The following FAM184A variants were observed in gnomAD, a reference collection of about 807,000 sequenced individuals.
FAM184A encodes the protein family with sequence similarity 184 member A.
A neutral mutation model predicts 143.8 loss-of-function variants in FAM184A; 99 were observed. The observed-to-expected ratio is 0.69, with a 90% CI of 0.58 to 0.81. The LOEUF (loss-of-function observed/expected upper bound fraction) is 0.81, where lower values mean the gene tolerates loss of function less well. FAM184A is among the 40% of genes least tolerant of loss of function. FAM184A has a pLI of 0.00. For missense variants in FAM184A, 1,217 were observed against 1,310.5 expected (o/e 0.93, Z 1.10); for synonymous variants, 427 against 446.4 (o/e 0.96, Z 0.55).
At chr6:119,049,420 C>A (rs1157183252) in intron 1 of FAM184A, among the ~76,000 whole-genome samples, 1 of 152,136 alleles carries the variant, frequency 6.6e-6, no homozygotes, top group East Asian at 1.9e-4. Flanking sequence ...TGCACCCCAG[C>A]CTGGGGGATA....
intron 1 of FAM184A, among the ~76,000 whole-genome samples, chr6:119,132,280 C>G (rs962144771): frequency 3.3e-5 from 5 of 152,212 alleles, no homozygotes; most frequent in Non-Finnish European, 5.9e-5. Context: ...GTTTTAGTCT[C>G]TTACCTGCCC....
At chr6:118,973,540 T>C (rs1319032392) in intron 14 of FAM184A, among the ~76,000 whole-genome samples, 1 of 152,142 alleles carries the variant, frequency 6.6e-6, no homozygotes, top group African/African-American at 2.4e-5. Context: ...TGAAGGATAA[T>C]GGGATTAGTC....
chr6:119,100,012 GA>G (rs1479815031), intron 1 of FAM184A, among the ~76,000 whole-genome samples: 2 of 152,176 alleles, frequency 1.3e-5, no homozygotes, highest in Non-Finnish European at 2.9e-5. Flanking sequence ...CTTGGGGACT[GA>G]GCCCTCAACC....
At chr6:119,069,237 C>T (rs934257866) in intron 1 of FAM184A, 1 of 197,096 alleles carries the variant, frequency 5.1e-6, no homozygotes, top group Admixed American at 5.8e-5. Context: ...AACACATAGA[C>T]CTATATATTC....
In FAM184A at chr6:119,094,915, AC is replaced by A. The variant is rs202184368; in HGVS notation, c.-202+54162del. Among the ~76,000 whole-genome samples, 171 of 152,290 alleles carry A rather than the reference AC, an allele frequency of 1.1e-3. 2 individuals are homozygous for A. In the East Asian group the frequency reaches 0.03, roughly 27 times the overall value. ...GAGGCTGAACAATTTATCCCCTGGC[AC>A]CACTGGCTGGGGTTCTAATGGGGGA... On this transcript the variant is annotated intron_variant, in intron 1 of 16. Coordinates refer to the FAM184A transcript ENST00000352896.
intron 1 of FAM184A, among the ~76,000 whole-genome samples, chr6:119,134,254 A>G (rs1382450749): frequency 6.6e-6 from 1 of 152,176 alleles, no homozygotes; most frequent in Non-Finnish European, 1.5e-5. Flanking sequence ...GGGAATACAA[A>G]TAGTCTATAA....
chr6:119,023,959 C>G lies in FAM184A; in HGVS notation c.1014G>C (p.Gln338His). 1 of 1,564,948 alleles carries G rather than the reference C, an allele frequency of 6.4e-7. No individual in the cohort carries two copies. The highest frequency in any genetic ancestry group is 8.6e-7 in the Non-Finnish European group (1 of 1,163,456). ...GTTGAATATAATATTCTTTACTTAC[C>G]TGAACATTGTTCTCTGCTATGGCAA... ...TALAIAENNV[Q>H]VLQKQLDDAK... Residue 338 changes from glutamine (Q) to histidine (H), a missense_variant and splice_region_variant, in exon 2 of 18, where the codon CAG (glutamine) becomes CAC (histidine). Transcript: ENST00000338891.
At chr6:119,035,111 T>C (rs1420874901) in intron 1 of FAM184A, among the ~76,000 whole-genome samples, 1 of 151,562 alleles carries the variant, frequency 6.6e-6, no homozygotes, top group Non-Finnish European at 1.5e-5. Flanking sequence ...GCTGTGAGAG[T>C]GGAAGAAAAA....
At chr6:119,123,348 C>T (rs993049453) in intron 1 of FAM184A, among the ~76,000 whole-genome samples, 1 of 152,052 alleles carries the variant, frequency 6.6e-6, no homozygotes, top group Non-Finnish European at 1.5e-5. Context: ...GAGATCATGC[C>T]ACTGCACTCT....
rs1041242059 is a variant in FAM184A, at chr6:118,977,301, G to A, written c.2456-1257C>T. 8.5e-5 allele frequency among the ~76,000 whole-genome samples: 13 copies of A among 152,296 alleles called. No individual in the cohort carries two copies. The East Asian group carries it at 2.5e-3, about 29-fold the overall frequency. ...GGCCAACCTCTACATGTTAAATATT[G>A]TTGGGTGTGGTGGTTCACACCTGTA... On this transcript the variant is annotated intron_variant, in intron 11 of 17. Transcript: ENST00000338891.
chr6:119,006,071 G>A (rs1784907648), intron 7 of FAM184A: 2 of 765,058 alleles, frequency 2.6e-6, no homozygotes, highest in Non-Finnish European at 4.8e-6. Context: ...AACTGGAGTA[G>A]AATGAGCCCT....
At chr6:118,979,337 T>C in intron 11 of FAM184A, 28 bp downstream of exon 11, 4 of 1,571,352 alleles carry the variant, frequency 2.5e-6, no homozygotes, top group South Asian at 1.2e-5. Flanking sequence ...CATATGAATA[T>C]GACAAGATTG....
chr6:119,049,534 C>A (rs546875440), intron 1 of FAM184A, among the ~76,000 whole-genome samples: 1 of 152,228 alleles, frequency 6.6e-6, no homozygotes, highest in South Asian at 2.1e-4. Context: ...AGACCACATA[C>A]CTATGACCAT....
chr6:119,009,067 C>A (rs1785014215), intron 6 of FAM184A, among the ~76,000 whole-genome samples: 1 of 152,188 alleles, frequency 6.6e-6, no homozygotes, highest in African/African-American at 2.4e-5. Context: ...TTATTATGTG[C>A]TGACTTGGGC....
intron 2 of FAM184A, 133 bp from the exon 3 acceptor site, chr6:119,023,213 AG>A: frequency 2.3e-6 from 2 of 872,512 alleles, no homozygotes; most frequent in Non-Finnish European, 1.7e-6. Context: ...TAAATCTGTA[AG>A]TATTAGTGAT....
At chr6:119,018,756 T>C (rs1367757728) in intron 4 of FAM184A, among the ~76,000 whole-genome samples, 1 of 152,134 alleles carries the variant, frequency 6.6e-6, no homozygotes, top group Non-Finnish European at 1.5e-5. Flanking sequence ...ACCTCGGATC[T>C]ATAAATGGGT....
At chr6:119,105,126 A>C (rs996423786) in intron 1 of FAM184A, among the ~76,000 whole-genome samples, 1 of 152,240 alleles carries the variant, frequency 6.6e-6, no homozygotes, top group Admixed American at 6.5e-5. Flanking sequence ...ATAGTAGGTA[A>C]AAATTTAGGA....
intron 14 of FAM184A, 37 bp downstream of exon 14, chr6:118,974,391 T>C (rs1486262252): frequency 3.2e-6 from 5 of 1,564,282 alleles, no homozygotes; most frequent in Non-Finnish European, 4.3e-6. Flanking sequence ...CTAAATTTAT[T>C]ATCCACATAT....
chr6:118,978,666 A>T (rs1287544740), intron 11 of FAM184A, among the ~76,000 whole-genome samples: 1 of 152,186 alleles, frequency 6.6e-6, no homozygotes, highest in African/African-American at 2.4e-5. Flanking sequence ...GAGGCCCAAA[A>T]TATTGATAAC....
Sources: allele counts gnomAD v4.1 joint callset (sites outside exome capture counted in the v4.1 genomes callset), GRCh38; gene constraint gnomAD v4.1.1; transcripts MANE v1.5; gene names NCBI Gene and HGNC (gene_info 2026-07-23, HGNC 2026-07-21).